The following ZNF804A variants were observed in gnomAD, a reference collection of about 807,000 sequenced individuals.
ZNF804A encodes the protein zinc finger protein 804A.
In ZNF804A, 2 loss-of-function variants were observed where a neutral mutation model predicts 16.5. That is an observed-to-expected ratio of 0.12 (90% CI 0.05 to 0.38). ZNF804A has a LOEUF of 0.38. Ranked by LOEUF, ZNF804A falls within the 10% of genes least tolerant of loss-of-function variation. ZNF804A has a pLI of 0.99. For missense variants in ZNF804A, 1,473 were observed against 1,390.7 expected (o/e 1.06, Z -0.94); for synonymous variants, 534 against 489.6 (o/e 1.09, Z -1.20).
chr2:184,899,628 TA>T (rs1685144359), intron 2 of ZNF804A, among the ~76,000 whole-genome samples: 1 of 152,008 alleles, frequency 6.6e-6, no homozygotes, highest in South Asian at 2.1e-4. Flanking sequence ...TTAATCCTCT[TA>T]TAATAGTCTA....
intron 1 of ZNF804A, among the ~76,000 whole-genome samples, chr2:184,680,377 A>G (rs1387093171): frequency 1.3e-5 from 2 of 151,878 alleles, no homozygotes; most frequent in Non-Finnish European, 2.9e-5. Flanking sequence ...GCCTGTGGAG[A>G]GGAACTACCC....
intron 1 of ZNF804A, among the ~76,000 whole-genome samples, chr2:184,781,617 A>C (rs917833839): frequency 4.0e-5 from 6 of 151,768 alleles, no homozygotes; most frequent in Non-Finnish European, 7.4e-5. Flanking sequence ...GCTTGGAGTC[A>C]AAAGTGCTGT....
At chr2:184,811,878 T>C (rs1694907604) in intron 1 of ZNF804A, among the ~76,000 whole-genome samples, 1 of 152,204 alleles carries the variant, frequency 6.6e-6, no homozygotes, top group Non-Finnish European at 1.5e-5. Flanking sequence ...TTCCTAGCTT[T>C]GCAGATTAAT....
chr2:184,746,266 G>A (rs545588463), intron 1 of ZNF804A, among the ~76,000 whole-genome samples: 2 of 151,422 alleles, frequency 1.3e-5, no homozygotes, highest in East Asian at 1.9e-4. Flanking sequence ...ATTGTGATAC[G>A]AAGCACTAGA....
In ZNF804A at chr2:184,936,929, T is replaced by C; in HGVS notation, c.1533T>C (p.Tyr511=). ...KDVSTEGLTD[Y]EIGSSKNKCS... Reference sequence around the variant, plus strand: ...TATCTACAGAAGGACTCACTGATTATGAAATTGGAAGTAGCAAAAATAAAT... The same window carrying C: ...TATCTACAGAAGGACTCACTGATTACGAAATTGGAAGTAGCAAAAATAAAT... The change falls in exon 4 of 4, where the codon TAT becomes TAC. Residue 511 remains tyrosine (Y), a synonymous_variant. Coordinates refer to ENST00000302277, the MANE Select transcript of ZNF804A (RefSeq NM_194250.2). 2 of 1,614,034 alleles carry C rather than the reference T, an allele frequency of 1.2e-6. No homozygotes were observed. Among genetic ancestry groups the C allele is most frequent in the Non-Finnish European group, 1.7e-6 (2 of 1,179,946 alleles).
Position 184,935,794 on chromosome 2 carries a change from G to A in ZNF804A, c.398G>A (p.Ser133Asn). 1 of 1,603,206 alleles carries A rather than the reference G, an allele frequency of 6.2e-7. No homozygotes were observed. The highest frequency in any genetic ancestry group is 8.5e-7 in the Non-Finnish European group (1 of 1,174,860). ...LRKETVCAPG[S>N]GPMFKSTTVT... Reference sequence around the variant, plus strand: ...GTTTCTCTCTCTAGTGCTCCTGGAAGTGGCCCCATGTTCAAATCAACAACT... The same window carrying A: ...GTTTCTCTCTCTAGTGCTCCTGGAAATGGCCCCATGTTCAAATCAACAACT... Residue 133 changes from serine to asparagine, a missense_variant, in exon 4 of 4, where the codon AGT becomes AAT. By Grantham distance (46) the Ser-to-Asn change is conservative. Transcript: ENST00000302277.
At chr2:184,795,255 A>G (rs939491212) in intron 1 of ZNF804A, among the ~76,000 whole-genome samples, 5 of 151,984 alleles carry the variant, frequency 3.3e-5, no homozygotes, top group Admixed American at 2.6e-4. Context: ...CTCGAAATCA[A>G]CTTCAAAACA....
intron 1 of ZNF804A, among the ~76,000 whole-genome samples, chr2:184,638,933 T>G (rs1691746573): frequency 6.6e-6 from 1 of 152,118 alleles, no homozygotes; most frequent in Admixed American, 6.6e-5. Flanking sequence ...AGCACATAAT[T>G]CCACTTTAAA....
intron 1 of ZNF804A, among the ~76,000 whole-genome samples, chr2:184,798,084 T>C (rs1438495149): frequency 6.7e-6 from 1 of 150,064 alleles, no homozygotes; most frequent in East Asian, 2.0e-4. Flanking sequence ...TTCTCCCTTG[T>C]AGGGTTTCTG....
chr2:184,741,774 A>G (rs2105753166), intron 1 of ZNF804A, among the ~76,000 whole-genome samples: 1 of 152,264 alleles, frequency 6.6e-6, no homozygotes, highest in East Asian at 1.9e-4. Flanking sequence ...ATTCTTTTAA[A>G]TAGTTAATAA....
chr2:184,840,063 T>C lies in ZNF804A; in HGVS notation c.112-26306T>C, dbSNP rs537108958. 3.4e-4 allele frequency among the ~76,000 whole-genome samples: 52 copies of C among 152,300 alleles called. 1 individual carries two copies. The South Asian group carries it at 9.5e-3, about 28-fold the overall frequency. ...AGATAAACCCATTGAAAGCTACTTCTCTAAGCTATGAATGGAACTTTGTTT... is the reference window on the plus strand; with the variant it reads ...AGATAAACCCATTGAAAGCTACTTCCCTAAGCTATGAATGGAACTTTGTTT... On this transcript the variant is annotated intron_variant, in intron 1 of 3. Coordinates refer to ENST00000302277, the MANE Select transcript of ZNF804A (RefSeq NM_194250.2).
At chr2:184,704,815 C>T (rs77194274) in intron 1 of ZNF804A, among the ~76,000 whole-genome samples, 4,815 of 152,178 alleles carry the variant, frequency 0.032, 110 homozygotes, top group Non-Finnish European at 0.048. Context: ...GGATAAAAAG[C>T]CTGAATGACA....
At chr2:184,883,170 G>T (rs1047294826) in intron 2 of ZNF804A, among the ~76,000 whole-genome samples, 4 of 151,116 alleles carry the variant, frequency 2.6e-5, no homozygotes, top group African/African-American at 9.7e-5. Context: ...GTCCACACAA[G>T]CCAAAAGAAA....
intron 1 of ZNF804A, among the ~76,000 whole-genome samples, chr2:184,615,036 A>G (rs562167448): frequency 5.7e-4 from 87 of 152,294 alleles, no homozygotes; most frequent in African/African-American, 2.1e-3. Context: ...CCATTATTGG[A>G]TATATACCCA....
In ZNF804A at chr2:184,936,663, G is replaced by A. The variant is rs1436089805; in HGVS notation, c.1267G>A (p.Glu423Lys). ...AACAAATTTCTGCAAAAGACAATGT[G>A]AGCCATTTGTACCTGTCCTTAACAA... is the stretch of plus-strand genomic sequence containing the variant. ...KKTNFCKRQCEPFVPVLNKHR... is the reference protein window; with the variant it reads ...KKTNFCKRQCKPFVPVLNKHR... The change falls in exon 4 of 4, where the codon GAG becomes AAG. Residue 423 changes from glutamate to lysine, a missense_variant. Coordinates refer to ENST00000302277, the MANE Select transcript of ZNF804A (RefSeq NM_194250.2). 3 of 1,613,980 alleles carry A rather than the reference G, an allele frequency of 1.9e-6. No individual in the cohort carries two copies. The highest frequency in any genetic ancestry group is 2.2e-5 in the South Asian group (2 of 91,076).
At chr2:184,668,454 T>C (rs1317817723) in intron 1 of ZNF804A, among the ~76,000 whole-genome samples, 7 of 151,924 alleles carry the variant, frequency 4.6e-5, no homozygotes, top group Non-Finnish European at 1.0e-4. Context: ...TCATCATTGA[T>C]TATATAATTG....
At chr2:184,869,165 T>C (rs148448622) in intron 2 of ZNF804A, among the ~76,000 whole-genome samples, 326 of 152,132 alleles carry the variant, frequency 2.1e-3, no homozygotes, top group Middle Eastern at 6.8e-3. Flanking sequence ...TCCAAAATAC[T>C]GGTTCCAGCA....
intron 1 of ZNF804A, among the ~76,000 whole-genome samples, chr2:184,703,378 T>C (rs961947840): frequency 6.6e-6 from 1 of 152,012 alleles, no homozygotes; most frequent in African/African-American, 2.4e-5. Context: ...ACACATATAC[T>C]CTAGTTATAG....
At chr2:184,620,374 T>C (rs1249422668) in intron 1 of ZNF804A, among the ~76,000 whole-genome samples, 4 of 151,802 alleles carry the variant, frequency 2.6e-5, no homozygotes, top group Non-Finnish European at 5.9e-5. Flanking sequence ...AAAGGAAGAA[T>C]TGTCTAAGCA....
Sources: allele counts gnomAD v4.1 joint callset (sites outside exome capture counted in the v4.1 genomes callset), GRCh38; gene constraint gnomAD v4.1.1; transcripts MANE v1.5; gene names NCBI Gene and HGNC (gene_info 2026-07-23, HGNC 2026-07-21).